The following PPARGC1A variants were observed in gnomAD, a reference collection of about 807,000 sequenced individuals.
The protein encoded by PPARGC1A is peroxisome proliferator-activated receptor gamma coactivator 1-alpha.
In PPARGC1A, 25 loss-of-function variants were observed where a neutral mutation model predicts 88.7. The ratio of observed to expected loss-of-function variants is 0.28; its 90% CI spans 0.21 to 0.39. The LOEUF (loss-of-function observed/expected upper bound fraction) is 0.39, where lower values mean the gene tolerates loss of function less well. Among genes scored for constraint, PPARGC1A ranks in the 10% least tolerant of loss-of-function variants. The pLI is 1.00. For missense variants in PPARGC1A, 880 were observed against 968.7 expected (o/e 0.91, Z 1.22); for synonymous variants, 363 against 355.6 (o/e 1.02, Z -0.24).
intron 2 of PPARGC1A, among the ~76,000 whole-genome samples, chr4:23,844,404 C>T (rs1426888229): frequency 8.3e-6 from 1 of 120,480 alleles, no homozygotes; most frequent in African/African-American, 3.2e-5. Context: ...TATTATTTAT[C>T]ATATAATAAT....
chr4:24,434,284 A>G, the PPARGC1A span, among the ~76,000 whole-genome samples: 26 of 152,304 alleles, frequency 1.7e-4, 1 homozygote, highest in South Asian at 2.9e-3. Flanking sequence ...AGCTAGAATC[A>G]TGAGATTTTT....
At chr4:24,130,136 C>T in the PPARGC1A span, among the ~76,000 whole-genome samples, 1 of 152,046 alleles carries the variant, frequency 6.6e-6, no homozygotes, top group Non-Finnish European at 1.5e-5. Context: ...TACCCTAAAA[C>T]TTAAAGTATA....
chr4:24,401,418 T>C, the PPARGC1A span, among the ~76,000 whole-genome samples: 1 of 152,190 alleles, frequency 6.6e-6, no homozygotes, highest in South Asian at 2.1e-4. Flanking sequence ...ACTTCCATTA[T>C]CGGGCCAATG....
chr4:24,123,613 T>A, the PPARGC1A span, among the ~76,000 whole-genome samples: 1 of 152,138 alleles, frequency 6.6e-6, no homozygotes, highest in East Asian at 1.9e-4. Flanking sequence ...AGTTTGGACA[T>A]TATTCTGAGG....
chr4:24,053,348 T>C, the PPARGC1A span, among the ~76,000 whole-genome samples: 2 of 152,162 alleles, frequency 1.3e-5, no homozygotes, highest in Non-Finnish European at 2.9e-5. Flanking sequence ...TTTTAAGTTG[T>C]GCAATGACCA....
chr4:24,128,531 A>AGTGTGT, the PPARGC1A span, among the ~76,000 whole-genome samples: 4,810 of 138,214 alleles, frequency 0.035, 99 homozygotes, highest in East Asian at 0.08. Flanking sequence ...AGCCTGTCAC[A>AGTGTGT]GTGTGTGTGT....
the PPARGC1A span, among the ~76,000 whole-genome samples, chr4:24,195,635 A>G: frequency 6.6e-6 from 1 of 152,244 alleles, no homozygotes; most frequent in Non-Finnish European, 1.5e-5. Flanking sequence ...TTTTAAGACC[A>G]TAAATTCAAT....
chr4:24,088,044 T>C, the PPARGC1A span, among the ~76,000 whole-genome samples: 5 of 152,070 alleles, frequency 3.3e-5, no homozygotes, highest in African/African-American at 9.7e-5. Flanking sequence ...AATGATAAAA[T>C]ATAATGTGAA....
chr4:24,458,060 G>T, the PPARGC1A span, among the ~76,000 whole-genome samples: 1 of 152,312 alleles, frequency 6.6e-6, no homozygotes, highest in South Asian at 2.1e-4. Context: ...TATTTGCTTG[G>T]ATCCCTTGAC....
intron 7 of PPARGC1A, among the ~76,000 whole-genome samples, chr4:23,816,036 G>A (rs980028450): frequency 6.6e-6 from 1 of 152,088 alleles, no homozygotes; most frequent in African/African-American, 2.4e-5. Flanking sequence ...AAGAATGAAT[G>A]TTTTCTCTAA....
At chr4:24,093,756 C>T in the PPARGC1A span, among the ~76,000 whole-genome samples, 7 of 152,130 alleles carry the variant, frequency 4.6e-5, no homozygotes, top group African/African-American at 1.2e-4. Context: ...ACGAGTGGTT[C>T]GAAGCATAGT....
the PPARGC1A span, among the ~76,000 whole-genome samples, chr4:24,324,344 C>T: frequency 1.3e-5 from 2 of 151,930 alleles, no homozygotes; most frequent in Non-Finnish European, 2.9e-5. Flanking sequence ...CGCTTATTTC[C>T]GCACCACAAC....
the PPARGC1A span, among the ~76,000 whole-genome samples, chr4:24,055,503 G>A: frequency 6.6e-6 from 1 of 152,202 alleles, no homozygotes; most frequent in Non-Finnish European, 1.5e-5. Context: ...CAAGAAAAGT[G>A]CTAAGCATTT....
chr4:23,898,125 A>G (rs1463988673), intron 1 of PPARGC1A, among the ~76,000 whole-genome samples: 1 of 152,256 alleles, frequency 6.6e-6, no homozygotes, highest in Non-Finnish European at 1.5e-5. Context: ...CCTTAAATAA[A>G]AAGCTCATTA....
At chr4:24,429,193 C>T in the PPARGC1A span, among the ~76,000 whole-genome samples, 2 of 152,140 alleles carry the variant, frequency 1.3e-5, no homozygotes, top group Non-Finnish European at 2.9e-5. Flanking sequence ...ATATTTATAA[C>T]GTCCAAAGAA....
intron 10 of PPARGC1A, among the ~76,000 whole-genome samples, chr4:23,803,014 A>T (rs577178713): frequency 1.3e-5 from 2 of 152,282 alleles, no homozygotes; most frequent in South Asian, 4.1e-4. Context: ...AACATTTGTG[A>T]CTTGATTATG....
the PPARGC1A span, among the ~76,000 whole-genome samples, chr4:24,089,734 G>A: frequency 2.0e-5 from 3 of 151,774 alleles, no homozygotes; most frequent in African/African-American, 7.3e-5. Context: ...GGATGGTCTC[G>A]ATCTCCTGAC....
the PPARGC1A span, among the ~76,000 whole-genome samples, chr4:24,182,699 G>A: frequency 6.6e-6 from 1 of 152,302 alleles, no homozygotes; most frequent in East Asian, 1.9e-4. Context: ...TCTAACTGGT[G>A]TGAGATGATA....
the PPARGC1A span, among the ~76,000 whole-genome samples, chr4:23,990,013 TATATATAG>T: frequency 0.019 from 2,754 of 147,214 alleles, 85 homozygotes; most frequent in African/African-American, 0.064. Flanking sequence ...ATATGTATCT[TATATATAG>T]ATATGTATAT....
Sources: gnomAD v4.1 joint callset for allele counts (sites outside exome capture counted in the v4.1 genomes callset) on GRCh38, gnomAD v4.1.1 for gene constraint, MANE v1.5 for transcripts, NCBI Gene and HGNC (gene_info 2026-07-23, HGNC 2026-07-21) for gene names.